The following FILIP1L variants were observed in gnomAD, a reference collection of about 807,000 sequenced individuals.
FILIP1L encodes the protein filamin A-interacting protein 1-like.
In FILIP1L, 55 loss-of-function variants were observed where a neutral mutation model predicts 96.6. That is an observed-to-expected ratio of 0.57 (90% CI 0.46 to 0.71). FILIP1L has a LOEUF of 0.71. Ranked by LOEUF, FILIP1L falls within the 30% of genes least tolerant of loss-of-function variation. The pLI, the probability that FILIP1L is intolerant of heterozygous loss-of-function variation, is 0.00. For missense variants in FILIP1L, 1,304 were observed against 1,321.2 expected, an observed-to-expected ratio of 0.99 and a Z score of 0.20; for synonymous variants, 467 against 473.9, an observed-to-expected ratio of 0.99 and a Z score of 0.19.
chr3:99,978,251 T>TA (rs758883542), intron 1 of FILIP1L, among the ~76,000 whole-genome samples: 1 of 152,088 alleles, frequency 6.6e-6, no homozygotes, highest in Non-Finnish European at 1.5e-5. Flanking sequence ...ATTTAAGTTT[T>TA]AAAAAAATGA....
rs1559657418 is a variant in FILIP1L, at chr3:99,849,981, ATC to A, written c.1693_1694del (p.Asp565Ter). On this transcript the variant is annotated frameshift_variant, in exon 5 of 6. Transcript: ENST00000477258. LOFTEE classifies it high-confidence loss of function. ...CCGCTTTCAATTTGTTTTTTAAATC[ATC>A]TCTCTCCTTGGTTACGCTGTACATC... ...EKMYSVTKER[D>X]DLKNKLKAEE... The A allele has an allele frequency of 6.2e-7, 1 of 1,612,230 alleles. No individual in the cohort carries two copies.
chr3:100,064,681 G>A (rs774622322), intron 1 of FILIP1L, among the ~76,000 whole-genome samples: 6 of 152,260 alleles, frequency 3.9e-5, no homozygotes, highest in East Asian at 3.9e-4. Context: ...ATTTCCACTT[G>A]CTGATTTTCT....
chr3:99,956,444 C>T (rs1340889653), intron 1 of FILIP1L, among the ~76,000 whole-genome samples: 4 of 152,170 alleles, frequency 2.6e-5, no homozygotes, highest in Non-Finnish European at 5.9e-5. Flanking sequence ...ACTACGCCTC[C>T]TAGGTTCAAG....
At chr3:99,839,480 A>AC (rs1387128745) in intron 5 of FILIP1L, among the ~76,000 whole-genome samples, 1 of 152,112 alleles carries the variant, frequency 6.6e-6, no homozygotes, top group Non-Finnish European at 1.5e-5. Context: ...CTCAGAGAGG[A>AC]CCTTTTAGAA....
intron 1 of FILIP1L, among the ~76,000 whole-genome samples, chr3:99,937,978 A>G (rs949726632): frequency 6.6e-6 from 1 of 152,232 alleles, no homozygotes; most frequent in Non-Finnish European, 1.5e-5. Flanking sequence ...GGAGACTCTC[A>G]TAAGAGATAG....
chr3:100,024,674 G>A (rs1043685406), intron 1 of FILIP1L, among the ~76,000 whole-genome samples: 1 of 152,220 alleles, frequency 6.6e-6, no homozygotes, highest in Non-Finnish European at 1.5e-5. Flanking sequence ...GGATATACTA[G>A]TGAGTGACCT....
chr3:99,860,375 T>A (rs2107552283), intron 4 of FILIP1L, among the ~76,000 whole-genome samples: 1 of 152,254 alleles, frequency 6.6e-6, no homozygotes, highest in Non-Finnish European at 1.5e-5. Flanking sequence ...TATAAGGAGC[T>A]TGGTAGCTTT....
At chr3:100,011,849 C>T (rs1710166202) in intron 1 of FILIP1L, 1 of 152,138 alleles carries the variant, frequency 6.6e-6, no homozygotes, top group Non-Finnish European at 1.5e-5. Flanking sequence ...TAAATAGATA[C>T]TCATATCAGA....
At chr3:99,864,764 G>A (rs1944429465) in intron 4 of FILIP1L, among the ~76,000 whole-genome samples, 1 of 151,976 alleles carries the variant, frequency 6.6e-6, no homozygotes, top group Admixed American at 6.6e-5. Flanking sequence ...GGCATGGTGT[G>A]CTTTTGTGCT....
intron 4 of FILIP1L, among the ~76,000 whole-genome samples, chr3:99,913,359 CTTG>C (rs1405101819): frequency 6.6e-6 from 1 of 152,278 alleles, no homozygotes; most frequent in African/African-American, 2.4e-5. Context: ...CTTGTCAATA[CTTG>C]TTATTATCTT....
intron 1 of FILIP1L, among the ~76,000 whole-genome samples, chr3:99,977,249 G>A (rs140293784): frequency 6.6e-6 from 1 of 152,238 alleles, no homozygotes; most frequent in Admixed American, 6.5e-5. Flanking sequence ...TGGAGCTGAT[G>A]CCTCATCCCA....
At chr3:99,938,150 A>C (rs1335449696) in intron 1 of FILIP1L, among the ~76,000 whole-genome samples, 3 of 152,146 alleles carry the variant, frequency 2.0e-5, no homozygotes, top group Non-Finnish European at 4.4e-5. Flanking sequence ...CTTACTGGAA[A>C]TCTCCATTTA....
At chr3:100,051,400 C>T (rs1482716311) in intron 1 of FILIP1L, 1 of 151,624 alleles carries the variant, frequency 6.6e-6, no homozygotes, top group Non-Finnish European at 1.5e-5. Context: ...TACATGTGCA[C>T]AATGTGCAGG....
intron 4 of FILIP1L, among the ~76,000 whole-genome samples, chr3:99,884,179 G>A (rs943467795): frequency 6.6e-6 from 1 of 152,152 alleles, no homozygotes; most frequent in Non-Finnish European, 1.5e-5. Flanking sequence ...GCTCAAGCCA[G>A]AATGGAGTGC....
At chr3:99,889,054 G>C (rs1706001711) in intron 4 of FILIP1L, among the ~76,000 whole-genome samples, 1 of 151,960 alleles carries the variant, frequency 6.6e-6, no homozygotes, top group Non-Finnish European at 1.5e-5. Context: ...TTTTTGTTCA[G>C]GTTCTCTATC....
At position 99,854,309 on chromosome 3, in the gene FILIP1L, C is replaced by A. The variant is rs142458840; in HGVS notation, c.606-3239G>T. ...GTACAGGATTTAGCATTGATACTTG[C>A]ATTATATGCTAATGCAGGTTATCAT... On this transcript the variant is annotated intron_variant, in intron 4 of 5. Coordinates refer to ENST00000477258, the MANE Select transcript of FILIP1L (RefSeq NM_001387850.1). Among the ~76,000 whole-genome samples, 1,099 of 152,198 alleles carry A rather than the reference C, an allele frequency of 7.2e-3. 19 individuals carry two copies. Among genetic ancestry groups the A allele is most frequent in the African/African-American group, 0.024 (1,012 of 41,514 alleles).
chr3:99,938,447 GACACTCATGGCCAAGGA>G (rs1707757938), intron 1 of FILIP1L, among the ~76,000 whole-genome samples: 1 of 152,168 alleles, frequency 6.6e-6, no homozygotes, highest in African/African-American at 2.4e-5. Context: ...CTAACTGTAC[GACACTCATGGCCAAGGA>G]ACAAAGCTGG....
intron 1 of FILIP1L, among the ~76,000 whole-genome samples, chr3:100,013,214 G>GAGGTGTTGTTGT: frequency 6.9e-6 from 1 of 145,522 alleles, no homozygotes; most frequent in Non-Finnish European, 1.5e-5. Context: ...GGCCAGTGAG[G>GAGGTGTTGTTGT]TGTTGTTGTT....
At chr3:100,087,138 A>G (rs962029331) in intron 1 of FILIP1L, among the ~76,000 whole-genome samples, 1 of 152,176 alleles carries the variant, frequency 6.6e-6, no homozygotes, top group Non-Finnish European at 1.5e-5. Context: ...GTTTGGGGCA[A>G]TTATGAATAA....
Sources: gnomAD v4.1 joint callset for allele counts (sites outside exome capture counted in the v4.1 genomes callset) on GRCh38, gnomAD v4.1.1 for gene constraint, MANE v1.5 for transcripts, NCBI Gene and HGNC (gene_info 2026-07-23, HGNC 2026-07-21) for gene names.